KCNK10: variants seen among roughly 807,000 people sequenced by gnomAD.
KCNK10 encodes the protein potassium two pore domain channel subfamily K member 10.
Under a neutral mutation model 47.7 loss-of-function variants are expected in KCNK10, and 25 were observed. That is an observed-to-expected ratio of 0.52 (90% CI 0.38 to 0.73). The LOEUF (loss-of-function observed/expected upper bound fraction) is 0.73. KCNK10 is among the 30% of genes least tolerant of loss of function. The pLI, the probability that KCNK10 is intolerant of heterozygous loss-of-function variation, is 0.00. For synonymous variants in KCNK10, 303 were observed against 285.6 expected, an observed-to-expected ratio of 1.06 and a Z score of -0.61; for missense variants, 563 against 714.5, an observed-to-expected ratio of 0.79 and a Z score of 2.42.
upstream of KCNK10, among the ~76,000 whole-genome samples, chr14:88,325,366 G>A (rs867760055): frequency 4.6e-5 from 7 of 152,198 alleles, no homozygotes; most frequent in Non-Finnish European, 8.8e-5. Flanking sequence ...AGAGCACGGG[G>A]AGGCAAGATT....
At chr14:88,244,575 G>A (rs531596204) in intron 2 of KCNK10, among the ~76,000 whole-genome samples, 6 of 152,192 alleles carry the variant, frequency 3.9e-5, no homozygotes, top group Admixed American at 3.9e-4. Context: ...GGCTGAGGCA[G>A]GAGAATGGCG....
In KCNK10 at chr14:88,183,465, C is replaced by T. The variant is rs920239096; in HGVS notation, c.*2070G>A. On this transcript the variant is annotated 3_prime_UTR_variant, in exon 7 of 7. Transcript: ENST00000319231. Reference sequence around the variant, plus strand: ...AGGAAGCTTCGACTTGTTAGAATAACAGAGGAAGTCCCAGTTATCTACCTA... The same window carrying T: ...AGGAAGCTTCGACTTGTTAGAATAATAGAGGAAGTCCCAGTTATCTACCTA... 6.6e-6 allele frequency: 1 copy of T among 152,392 alleles called. No homozygotes were observed. The highest frequency in any genetic ancestry group is 1.5e-5 in the Non-Finnish European group (1 of 68,056). The allele number at this position is 152,392 out of a possible 1,614,324, so 9.4% of individuals were successfully genotyped here.
Position 88,182,571 on chromosome 14 carries a change from T to C in KCNK10, c.*2964A>G, listed in dbSNP as rs1007236357. On this transcript the variant is annotated 3_prime_UTR_variant, in exon 7 of 7. Coordinates refer to ENST00000319231, the MANE Select transcript of KCNK10 (RefSeq NM_138317.3). ...GGTTTCTAAACACTTTGCACACATA[T>C]TTAATCGATCAATCACCATAGAGGA... 6.6e-6 allele frequency: 1 copy of C among 152,356 alleles called. No homozygotes were observed. Among genetic ancestry groups the C allele is most frequent in the African/African-American group, 2.4e-5 (1 of 41,458 alleles). The allele number at this position is 152,356 out of a possible 1,614,324, so 9.4% of individuals were successfully genotyped here.
upstream of KCNK10, chr14:88,323,681 G>C (rs2139811019): frequency 6.6e-6 from 1 of 151,698 alleles, no homozygotes; most frequent in African/African-American, 2.4e-5. Context: ...CGTGGAGGCG[G>C]CAGCGGCGCG....
rs1884489775 is a variant in KCNK10, at chr14:88,184,896, T to C, written c.*639A>G. ...CCACAGTGTGATGTGTTTGTGATTA[T>C]TTTTTTTCTTTTGTCATGAGAAAAG... On this transcript the variant is annotated 3_prime_UTR_variant, in exon 7 of 7. Transcript: ENST00000319231. 6.6e-6 allele frequency: 1 copy of C among 152,562 alleles called. No individual in the cohort carries two copies. Among genetic ancestry groups the C allele is most frequent in the Non-Finnish European group, 1.5e-5 (1 of 68,182 alleles). The allele number at this position is 152,562 out of a possible 1,614,324, so 9.5% of individuals were successfully genotyped here.
intron 1 of KCNK10, among the ~76,000 whole-genome samples, chr14:88,304,984 C>G (rs945250274): frequency 6.6e-6 from 1 of 152,068 alleles, no homozygotes; most frequent in Non-Finnish European, 1.5e-5. Flanking sequence ...GATCACCTGA[C>G]GTCAGGAGTT....
At chr14:88,250,323 C>T (rs529320182) in intron 2 of KCNK10, among the ~76,000 whole-genome samples, 1 of 152,282 alleles carries the variant, frequency 6.6e-6, no homozygotes, top group African/African-American at 2.4e-5. Flanking sequence ...CCTGATCTTG[C>T]ACACATTGAA....
chr14:88,212,128 A>ATATATATATATATATATATATATATC (rs1885481388), intron 4 of KCNK10, among the ~76,000 whole-genome samples: 1 of 66,636 alleles, frequency 1.5e-5, no homozygotes, highest in African/African-American at 4.7e-5. Context: ...ATATATATAT[A>ATATATATATATATATATATATATATC]TATCGAGAGA....
chr14:88,270,097 C>T (rs896398877), intron 1 of KCNK10, among the ~76,000 whole-genome samples: 2 of 152,154 alleles, frequency 1.3e-5, no homozygotes, highest in African/African-American at 4.8e-5. Context: ...TCACCTCCCC[C>T]CTCCCCGCAG....
chr14:88,238,755 T>C (rs1886368006), intron 3 of KCNK10, among the ~76,000 whole-genome samples: 1 of 152,242 alleles, frequency 6.6e-6, no homozygotes, highest in East Asian at 1.9e-4. Flanking sequence ...GTTGGCCTGT[T>C]TCAGAGTTCA....
chr14:88,308,493 GAC>G (rs1888245983), intron 1 of KCNK10, among the ~76,000 whole-genome samples: 1 of 152,202 alleles, frequency 6.6e-6, no homozygotes, highest in Non-Finnish European at 1.5e-5. Flanking sequence ...CTACTCAAAA[GAC>G]ATGTAAATTT....
chr14:88,248,373 T>C (rs1397513591), intron 2 of KCNK10, among the ~76,000 whole-genome samples: 1 of 152,220 alleles, frequency 6.6e-6, no homozygotes, highest in Non-Finnish European at 1.5e-5. Context: ...TTGCTTTTAT[T>C]GTAGCTATTT....
At chr14:88,256,767 T>C (rs1886969623) in intron 2 of KCNK10, among the ~76,000 whole-genome samples, 1 of 152,086 alleles carries the variant, frequency 6.6e-6, no homozygotes, top group African/African-American at 2.4e-5. Flanking sequence ...TGCGCATCAG[T>C]TAGGAGTTTT....
intron 1 of KCNK10, among the ~76,000 whole-genome samples, chr14:88,311,067 C>T (rs571400924): frequency 2.6e-5 from 4 of 152,052 alleles, no homozygotes; most frequent in Non-Finnish European, 5.9e-5. Flanking sequence ...CATTTGCAAC[C>T]AGAAGTTTGG....
chr14:88,255,560 G>T (rs968948989), intron 2 of KCNK10, among the ~76,000 whole-genome samples: 5 of 151,100 alleles, frequency 3.3e-5, no homozygotes, highest in Non-Finnish European at 5.9e-5. Flanking sequence ...AAAATTAGCT[G>T]GGTCTGGTGG....
At position 88,183,624 on chromosome 14, in the gene KCNK10, T is replaced by A. The variant is rs572707836; in HGVS notation, c.*1911A>T. ...CAGGATGTCACCAGTGAGCCTCATC[T>A]CCAGTCCAATGGAGGAGTTGACTTA... On this transcript the variant is annotated 3_prime_UTR_variant, in exon 7 of 7. Transcript: ENST00000319231. 1 of 152,352 alleles carries A rather than the reference T, an allele frequency of 6.6e-6. No individual in the cohort carries two copies. The highest frequency in any genetic ancestry group is 1.9e-4 in the East Asian group (1 of 5,330). 9.4% of individuals were successfully genotyped at this position (152,352 alleles called of 1,614,324 possible). A position where few individuals can be genotyped will look rare whatever the true frequency, so the allele number is the denominator to read the frequency against.
intron 2 of KCNK10, among the ~76,000 whole-genome samples, chr14:88,251,342 T>C (rs974372244): frequency 1.1e-4 from 16 of 151,802 alleles, no homozygotes; most frequent in African/African-American, 3.9e-4. Context: ...AAGGGATATA[T>C]TGATAAAAGA....
chr14:88,316,411 T>C (rs1888431552), intron 1 of KCNK10, among the ~76,000 whole-genome samples: 1 of 152,190 alleles, frequency 6.6e-6, no homozygotes, highest in South Asian at 2.1e-4. Flanking sequence ...TTGTAGGTGA[T>C]GGTAATGAGC....
intron 1 of KCNK10, among the ~76,000 whole-genome samples, chr14:88,304,675 G>A (rs1008917563): frequency 6.6e-6 from 1 of 152,136 alleles, no homozygotes; most frequent in Non-Finnish European, 1.5e-5. Context: ...GTTAGTGTTT[G>A]CACTGTTTAA....
Sources: allele counts gnomAD v4.1 joint callset (sites outside exome capture counted in the v4.1 genomes callset), GRCh38; gene constraint gnomAD v4.1.1; transcripts MANE v1.5; gene names NCBI Gene and HGNC (gene_info 2026-07-23, HGNC 2026-07-21).